TTC28: variants seen among roughly 807,000 people sequenced by gnomAD.
The protein encoded by TTC28 is tetratricopeptide repeat domain 28.
In TTC28, 61 loss-of-function variants were observed where a neutral mutation model predicts 198.0. The ratio of observed to expected loss-of-function variants is 0.31; its 90% CI spans 0.25 to 0.38. TTC28 has a LOEUF of 0.38. Among genes scored for constraint, TTC28 ranks in the 10% least tolerant of loss-of-function variants. The probability of loss-of-function intolerance (pLI) is 1.00; values close to 1 mark genes in which losing one functional copy is unlikely to be tolerated. For synonymous variants in TTC28, 1,171 were observed against 1,297.8 expected, an observed-to-expected ratio of 0.90 and a Z score of 2.10; for missense variants, 2,678 against 3,164.0, an observed-to-expected ratio of 0.85 and a Z score of 3.69.
rs192322488 is a variant in TTC28, at chr22:28,081,043, T to C, written c.3932+13037A>G. Among the ~76,000 whole-genome samples the C allele has an allele frequency of 8.0e-5, 12 of 150,252 alleles. No homozygotes were observed. In the East Asian group the frequency reaches 2.3e-3, roughly 29 times the overall value. On this transcript the variant is annotated intron_variant, in intron 12 of 22. Coordinates refer to ENST00000397906, the MANE Select transcript of TTC28 (RefSeq NM_001145418.2). ...CTATTTATTCTATTTCATTGGTTTA[T>C]ATGTCTGTTTATGTCAGTATCATAT...
intron 1 of TTC28, among the ~76,000 whole-genome samples, chr22:28,677,158 G>GA (rs35292146): frequency 2.9e-4 from 13 of 45,038 alleles, no homozygotes; most frequent in South Asian, 8.0e-4. Context: ...TCCATCTCAG[G>GA]AAAAAAAAAA....
chr22:28,569,105 C>T (rs1212615011), intron 2 of TTC28, among the ~76,000 whole-genome samples: 1 of 151,708 alleles, frequency 6.6e-6, no homozygotes, highest in Non-Finnish European at 1.5e-5. Flanking sequence ...GAGATTGTGC[C>T]ACTGCACTCC....
At position 28,255,552 on chromosome 22, in the gene TTC28, G is replaced by T. The variant is rs140811300; in HGVS notation, c.933+40646C>A. On this transcript the variant is annotated intron_variant, in intron 5 of 22. Coordinates refer to ENST00000397906, the MANE Select transcript of TTC28 (RefSeq NM_001145418.2). ...CAAAATTAGCCAGGCGAGGTGGCAC[G>T]TGCCTGTAATCCCAGCTACTCAGGA... Among the ~76,000 whole-genome samples, 8 of 152,080 alleles carry T rather than the reference G, an allele frequency of 5.3e-5. No homozygotes were observed. The South Asian group carries it at 8.3e-4, about 16-fold the overall frequency.
At chr22:28,378,345 CAAAAA>C (rs134525) in intron 2 of TTC28, among the ~76,000 whole-genome samples, 4 of 75,940 alleles carry the variant, frequency 5.3e-5, no homozygotes, top group African/African-American at 1.0e-4. Flanking sequence ...GACTCTGTCT[CAAAAA>C]AAAAAAAAAA....
intron 5 of TTC28, among the ~76,000 whole-genome samples, chr22:28,209,408 C>G (rs901362858): frequency 1.3e-5 from 2 of 152,258 alleles, no homozygotes; most frequent in African/African-American, 4.8e-5. Flanking sequence ...CGTGACAGAC[C>G]GTACCTGGAA....
At chr22:28,670,570 T>C (rs889978642) in intron 1 of TTC28, among the ~76,000 whole-genome samples, 1 of 151,958 alleles carries the variant, frequency 6.6e-6, no homozygotes, top group African/African-American at 2.4e-5. Flanking sequence ...TGGAAAAAAA[T>C]ATTTTGTTTA....
intron 2 of TTC28, among the ~76,000 whole-genome samples, chr22:28,391,629 T>G (rs551956616): frequency 2.0e-5 from 3 of 152,250 alleles, no homozygotes; most frequent in Non-Finnish European, 2.9e-5. Context: ...TCCAGTTGAT[T>G]GCATCAGCTC....
At chr22:27,993,009 GC>G in intron 18 of TTC28, 1 of 567,736 alleles carries the variant, frequency 1.8e-6, no homozygotes, top group South Asian at 2.3e-5. Context: ...GGCAGTAGTG[GC>G]CAGTGTCTGC....
intron 5 of TTC28, among the ~76,000 whole-genome samples, chr22:28,250,878 A>T (rs998886505): frequency 6.6e-6 from 1 of 152,224 alleles, no homozygotes; most frequent in South Asian, 2.1e-4. Flanking sequence ...AAGCCTAGAG[A>T]TGCAGACATC....
intron 1 of TTC28, among the ~76,000 whole-genome samples, chr22:28,656,710 G>A (rs1432552636): frequency 6.6e-6 from 1 of 152,144 alleles, no homozygotes; most frequent in Non-Finnish European, 1.5e-5. Flanking sequence ...CTACTCTGAA[G>A]TGTAATAATA....
chr22:28,095,957 T>C (rs1365516945), intron 11 of TTC28, among the ~76,000 whole-genome samples: 1 of 152,262 alleles, frequency 6.6e-6, no homozygotes, highest in Non-Finnish European at 1.5e-5. Context: ...CCTTGATAAA[T>C]GCTTCCACAT....
intron 15 of TTC28, chr22:27,999,937 G>A (rs902743308): frequency 4.6e-5 from 7 of 152,276 alleles, no homozygotes; most frequent in Admixed American, 2.0e-4. Flanking sequence ...GCTTGGTGAT[G>A]CCTTAAACTC....
rs1460172382 is a variant in TTC28, at chr22:27,982,669, C to T, written c.6998G>A (p.Arg2333His). 6 of 1,551,500 alleles carry T rather than the reference C, an allele frequency of 3.9e-6. No individual in the cohort carries two copies. The highest frequency in any genetic ancestry group is 2.0e-5 in the Admixed American group (1 of 50,974). Residue 2333 changes from arginine (R) to histidine (H), a missense_variant, in exon 23 of 23, where the codon CGC becomes CAC. Arg to His is a conservative substitution (Grantham distance 29). Coordinates refer to ENST00000397906, the MANE Select transcript of TTC28 (RefSeq NM_001145418.2). The surrounding 1 kb of genome is among the most constrained non-coding windows in gnomAD (Gnocchi z 5.2). Reference sequence around the variant, plus strand: ...GTCGGGAGCGTCTGCTGGACTTGAGCGAGCAGATCCAGCTGAGGAGTAGGA... The same window carrying T: ...GTCGGGAGCGTCTGCTGGACTTGAGTGAGCAGATCCAGCTGAGGAGTAGGA... Reference protein sequence around the residue: ...ALSYSSAGSARSSPADAPDID... With the variant: ...ALSYSSAGSAHSSPADAPDID...
chr22:28,424,202 G>A (rs763316707), intron 2 of TTC28, among the ~76,000 whole-genome samples: 4 of 152,016 alleles, frequency 2.6e-5, no homozygotes, highest in Non-Finnish European at 5.9e-5. Flanking sequence ...ATAATTACTT[G>A]CCCATAACAC....
intron 2 of TTC28, among the ~76,000 whole-genome samples, chr22:28,374,982 G>A (rs1392088535): frequency 4.6e-5 from 7 of 151,906 alleles, no homozygotes; most frequent in African/African-American, 1.7e-4. Context: ...AAGCAACTCG[G>A]CAGGCTGAGG....
chr22:28,531,058 A>T (rs927915739), intron 2 of TTC28, among the ~76,000 whole-genome samples: 6 of 152,170 alleles, frequency 3.9e-5, no homozygotes, highest in Non-Finnish European at 8.8e-5. Flanking sequence ...ACACATAACA[A>T]TATTAACCTT....
At chr22:28,634,608 T>C (rs1167431619) in intron 1 of TTC28, among the ~76,000 whole-genome samples, 1 of 150,276 alleles carries the variant, frequency 6.7e-6, no homozygotes, top group Non-Finnish European at 1.5e-5. Flanking sequence ...TTTTTTGAGA[T>C]GGAGTCTCAC....
intron 2 of TTC28, among the ~76,000 whole-genome samples, chr22:28,479,012 A>G (rs1420729769): frequency 2.0e-5 from 3 of 152,142 alleles, no homozygotes; most frequent in East Asian, 1.9e-4. Context: ...GCAGGGGCCT[A>G]TCTTGCTCAC....
intron 5 of TTC28, among the ~76,000 whole-genome samples, chr22:28,259,064 T>C (rs190708166): frequency 3.3e-5 from 5 of 152,228 alleles, no homozygotes; most frequent in African/African-American, 7.2e-5. Context: ...AATCTGGTTG[T>C]CTATCAGTGG....
Sources: allele counts gnomAD v4.1 joint callset (sites outside exome capture counted in the v4.1 genomes callset), GRCh38; gene constraint gnomAD v4.1.1; non-coding constraint Gnocchi (gnomAD v3.1); transcripts MANE v1.5; gene names NCBI Gene and HGNC (gene_info 2026-07-23, HGNC 2026-07-21).